Variants in DCUN1D3 observed in about 807,000 individuals in gnomAD.
DCUN1D3 encodes DCN1-like protein 3.
In DCUN1D3, 6 loss-of-function variants were observed where a neutral mutation model predicts 24.8. That is an observed-to-expected ratio of 0.24 (90% confidence interval 0.13 to 0.48). The LOEUF is 0.48. DCUN1D3 is among the 20% of genes least tolerant of loss of function. The pLI is 0.99. For missense variants in DCUN1D3, 258 were observed against 379.4 expected, an observed-to-expected ratio of 0.68 and a Z score of 2.66; for synonymous variants, 120 against 144.9, an observed-to-expected ratio of 0.83 and a Z score of 1.24.
intron 1 of DCUN1D3, among the ~76,000 whole-genome samples, chr16:20,892,940 C>T (rs2081898752): frequency 6.6e-6 from 1 of 152,182 alleles, no homozygotes; most frequent in African/African-American, 2.4e-5. Context: ...ATATGCTTCA[C>T]TATAGGGAGT....
At chr16:20,883,651 AAT>A (rs2081855533) in intron 1 of DCUN1D3, among the ~76,000 whole-genome samples, 1 of 152,218 alleles carries the variant, frequency 6.6e-6, no homozygotes, top group Non-Finnish European at 1.5e-5. Context: ...ACTGTATGAA[AAT>A]AGCAAATATG....
intron 1 of DCUN1D3, among the ~76,000 whole-genome samples, chr16:20,873,963 T>G (rs984164486): frequency 1.3e-5 from 2 of 152,184 alleles, no homozygotes; most frequent in Admixed American, 1.3e-4. Flanking sequence ...GGAAACTGAA[T>G]TTTGAAGGCA....
chr16:20,896,293 T>C (rs891390238), intron 1 of DCUN1D3: 1 of 152,206 alleles, frequency 6.6e-6, no homozygotes, highest in Admixed American at 6.5e-5. Context: ...TGTAATGCAA[T>C]GTAAAACCAC....
rs1340646836 is a variant in DCUN1D3 at position 20,855,518 on chromosome 16, A to G, written c.*4368T>C. ...TATGAGATAGGCTGGGTTTCCAAGA[A>G]GAGAAGAATAGGGAGGACATGATGC... On this transcript the variant is annotated 3_prime_UTR_variant, in exon 3 of 3. Coordinates refer to ENST00000324344, the MANE Select transcript of DCUN1D3 (RefSeq NM_173475.4). The G allele has an allele frequency of 1.3e-5, 2 of 152,256 alleles. No homozygotes were observed. The highest frequency in any genetic ancestry group is 4.8e-5 in the African/African-American group (2 of 41,456). 9.4% of individuals were successfully genotyped at this position (152,256 alleles called of 1,614,324 possible).
chr16:20,876,436 A>G (rs1445150495), intron 1 of DCUN1D3, among the ~76,000 whole-genome samples: 1 of 148,928 alleles, frequency 6.7e-6, no homozygotes, highest in African/African-American at 2.6e-5. Flanking sequence ...TGGTTATGAA[A>G]AAAAAAAAAA....
intron 1 of DCUN1D3, among the ~76,000 whole-genome samples, chr16:20,895,880 A>G (rs1209234642): frequency 1.3e-5 from 2 of 152,224 alleles, no homozygotes; most frequent in Non-Finnish European, 2.9e-5. Context: ...CCATTGTTTC[A>G]ATCTAAGTTA....
In DCUN1D3 at chr16:20,860,160, G is replaced by A; in HGVS notation, c.641C>T (p.Thr214Ile). 1 of 1,614,212 alleles carries A rather than the reference G, an allele frequency of 6.2e-7. No individual in the cohort carries two copies. The highest frequency in any genetic ancestry group is 8.5e-7 in the Non-Finnish European group (1 of 1,180,038). The change falls in exon 3 of 3, where the codon ACC (threonine) becomes ATC (isoleucine). Residue 214 changes from threonine to isoleucine, a missense_variant. Thr to Ile is a moderately conservative substitution (Grantham distance 89). Coordinates refer to ENST00000324344, the MANE Select transcript of DCUN1D3 (RefSeq NM_173475.4). This position sits in a 1 kb window ranked among gnomAD's most constrained non-coding sequence, Gnocchi z 4.3. ...IAIALWKLVF[T>I]QNNPPVLDQW... ...GTCCAATACCGGAGGATTGTTCTGG[G>A]TAAAGACTAGTTTCCACAGGGCAAT...
chr16:20,883,372 G>A (rs2081854137), intron 1 of DCUN1D3, among the ~76,000 whole-genome samples: 1 of 152,118 alleles, frequency 6.6e-6, no homozygotes, highest in Admixed American at 6.5e-5. Context: ...ATTTAGCCGG[G>A]CATGGTGGCG....
intron 1 of DCUN1D3, among the ~76,000 whole-genome samples, chr16:20,868,652 TCTC>T (rs2081774066): frequency 6.6e-6 from 1 of 152,194 alleles, no homozygotes; most frequent in South Asian, 2.1e-4. Context: ...TCGTCTCCCT[TCTC>T]CTAGAACAGT....
rs11310580 is a variant in DCUN1D3 at position 20,882,252 on chromosome 16, A to ATT, written c.-106+17950_-106+17951dup. ...GAGCACCTTCATTTATAACATTGCT[A>ATT]TTTTTTTTTTTTTTTTTGAGATAGA... is the stretch of plus-strand genomic sequence containing the variant. On this transcript the variant is annotated intron_variant, in intron 1 of 2. Transcript: ENST00000324344. 4.4e-5 allele frequency among the ~76,000 whole-genome samples: 6 copies of ATT among 135,514 alleles called. 1 individual carries two copies. Among genetic ancestry groups the ATT allele is most frequent in the Non-Finnish European group, 7.9e-5 (5 of 62,968 alleles). 88.9% of individuals were successfully genotyped at this position (135,514 alleles called of 152,430 possible).
intron 1 of DCUN1D3, among the ~76,000 whole-genome samples, chr16:20,874,857 C>T (rs901184251): frequency 6.6e-6 from 1 of 151,892 alleles, no homozygotes; most frequent in African/African-American, 2.4e-5. Flanking sequence ...CACAAATGCT[C>T]ATGTAGCATG....
At chr16:20,866,849 C>A (rs941825509) in intron 1 of DCUN1D3, among the ~76,000 whole-genome samples, 4 of 152,156 alleles carry the variant, frequency 2.6e-5, no homozygotes, top group South Asian at 2.1e-4. Context: ...CTGATTACTG[C>A]CCAGTGGTCT....
intron 1 of DCUN1D3, among the ~76,000 whole-genome samples, chr16:20,873,882 G>C (rs867239624): frequency 1.3e-5 from 2 of 152,060 alleles, no homozygotes; most frequent in South Asian, 4.1e-4. Flanking sequence ...TTATCACATG[G>C]GGCTCAGCTC....
Position 20,860,443 on chromosome 16 carries a change from G to C in DCUN1D3, c.432-74C>G. 6.8e-7 allele frequency: 1 copy of C among 1,469,700 alleles called. No individual in the cohort carries two copies. The highest frequency in any genetic ancestry group is 9.1e-7 in the Non-Finnish European group (1 of 1,101,666). 91.0% of individuals were successfully genotyped at this position (1,469,700 alleles called of 1,614,324 possible). ...TACAGGCAATATACATAGTGATTAA[G>C]AGCAAGGCTTTCAGGCCAGATGGTC... On this transcript the variant is annotated intron_variant, in intron 2 of 2. Coordinates refer to ENST00000324344, the MANE Select transcript of DCUN1D3 (RefSeq NM_173475.4). This position sits in a 1 kb window ranked among gnomAD's most constrained non-coding sequence, Gnocchi z 4.3.
chr16:20,891,024 C>T (rs1457946201), intron 1 of DCUN1D3, among the ~76,000 whole-genome samples: 1 of 150,530 alleles, frequency 6.6e-6, no homozygotes, highest in African/African-American at 2.4e-5. Context: ...GATGGAGTCT[C>T]ACTCTATCGC....
At chr16:20,896,625 T>C (rs2081917193) in intron 1 of DCUN1D3, among the ~76,000 whole-genome samples, 1 of 151,722 alleles carries the variant, frequency 6.6e-6, no homozygotes, top group Non-Finnish European at 1.5e-5. Context: ...GATATTTTCA[T>C]ATTTGAGTTA....
rs1218061228 is a variant in DCUN1D3 at position 20,859,651 on chromosome 16, C to T, written c.*235G>A. 4.7e-6 allele frequency: 2 copies of T among 421,978 alleles called. No homozygotes were observed. Among genetic ancestry groups the T allele is most frequent in the Non-Finnish European group, 8.1e-6 (2 of 245,594 alleles). 26.1% of individuals were successfully genotyped at this position (421,978 alleles called of 1,614,324 possible). ...TCAAAAAAAGATACACAACATGTAACCAGGTTCAAATATTCTGGGAGATCC... is the reference window on the plus strand; with the variant it reads ...TCAAAAAAAGATACACAACATGTAATCAGGTTCAAATATTCTGGGAGATCC... On this transcript the variant is annotated 3_prime_UTR_variant, in exon 3 of 3. Coordinates refer to ENST00000324344, the MANE Select transcript of DCUN1D3 (RefSeq NM_173475.4).
intron 1 of DCUN1D3, among the ~76,000 whole-genome samples, chr16:20,864,624 G>A (rs1297733974): frequency 6.6e-6 from 1 of 152,142 alleles, no homozygotes; most frequent in East Asian, 1.9e-4. Flanking sequence ...ATTCGAACTA[G>A]CAATCCCATT....
chr16:20,864,793 C>T (rs1263304559), intron 1 of DCUN1D3, among the ~76,000 whole-genome samples: 3 of 149,990 alleles, frequency 2.0e-5, no homozygotes, highest in Admixed American at 6.6e-5. Flanking sequence ...ATATACACCA[C>T]GGAACGCTAT....
Sources: allele counts gnomAD v4.1 joint callset (sites outside exome capture counted in the v4.1 genomes callset), GRCh38; gene constraint gnomAD v4.1.1; non-coding constraint Gnocchi (gnomAD v3.1); transcripts MANE v1.5; gene names NCBI Gene and HGNC (gene_info 2026-07-23, HGNC 2026-07-21).